Variants in PKNOX2 observed in about 807,000 individuals in gnomAD.
The protein encoded by PKNOX2 is PBX/knotted 1 homeobox 2.
Under a neutral mutation model 53.1 loss-of-function variants are expected in PKNOX2, and 14 were observed. The ratio of observed to expected loss-of-function variants is 0.26; its 90% CI spans 0.17 to 0.41. The LOEUF is 0.41. Ranked by LOEUF, PKNOX2 falls within the 10% of genes least tolerant of loss-of-function variation. PKNOX2 has a pLI of 1.00. For synonymous variants in PKNOX2, 257 were observed against 242.8 expected (o/e 1.06, Z -0.54); for missense variants, 496 against 602.8 (o/e 0.82, Z 1.85).
At chr11:125,279,286 G>C (rs1316303907) in intron 2 of PKNOX2, among the ~76,000 whole-genome samples, 6 of 152,210 alleles carry the variant, frequency 3.9e-5, no homozygotes. Context: ...GGGGGCTTCT[G>C]TCTGACCGAA....
rs1280821861 is a variant in PKNOX2, at chr11:125,430,412, A to G, written c.1192+271A>G. 1.5e-4 allele frequency among the ~76,000 whole-genome samples: 23 copies of G among 152,138 alleles called. 1 individual carries two copies. The highest frequency in any genetic ancestry group is 1.5e-3 in the Admixed American group (23 of 15,276). On this transcript the variant is annotated intron_variant, in intron 12 of 12. Coordinates refer to ENST00000298282, the MANE Select transcript of PKNOX2 (RefSeq NM_001382323.2). Reference sequence around the variant, plus strand: ...AGCAGAGCCCCCCATGTCCGCACCCATCTGAGTTCCTTAGCACCAGTAAGT... The same window carrying G: ...AGCAGAGCCCCCCATGTCCGCACCCGTCTGAGTTCCTTAGCACCAGTAAGT...
At chr11:125,320,678 C>T (rs1269980311) in intron 2 of PKNOX2, among the ~76,000 whole-genome samples, 1 of 152,168 alleles carries the variant, frequency 6.6e-6, no homozygotes, top group African/African-American at 2.4e-5. Flanking sequence ...TAGCTTCGGA[C>T]CAGAGCCCTT....
At chr11:125,359,080 C>CAGGAAGGTGGACACCATCGG (rs1951779387) in intron 4 of PKNOX2, among the ~76,000 whole-genome samples, 1 of 135,798 alleles carries the variant, frequency 7.4e-6, no homozygotes, top group African/African-American at 3.0e-5. Flanking sequence ...GCTGTGGGAG[C>CAGGAAGGTGGACACCATCGG]AAAGGCAGGA....
At chr11:125,250,381 C>G (rs2135670904) in intron 2 of PKNOX2, among the ~76,000 whole-genome samples, 1 of 152,354 alleles carries the variant, frequency 6.6e-6, no homozygotes, top group South Asian at 2.1e-4. Context: ...CATTACCCAG[C>G]TTCAGCAACT....
intron 3 of PKNOX2, among the ~76,000 whole-genome samples, chr11:125,342,189 A>T (rs1166185246): frequency 2.6e-5 from 4 of 151,054 alleles, no homozygotes; most frequent in Non-Finnish European, 5.9e-5. Flanking sequence ...TCCTAAAGGC[A>T]AGTTTTAAAA....
intron 1 of PKNOX2, among the ~76,000 whole-genome samples, chr11:125,177,816 G>C (rs959030758): frequency 5.3e-5 from 8 of 152,168 alleles, no homozygotes; most frequent in African/African-American, 1.7e-4. Context: ...GGCTGGGACA[G>C]CAATGTCAGA....
intron 10 of PKNOX2, among the ~76,000 whole-genome samples, chr11:125,416,078 C>T (rs12363133): frequency 0.078 from 11,794 of 151,618 alleles, 504 homozygotes; most frequent in African/African-American, 0.1. Flanking sequence ...CCGAGGCGGG[C>T]GGATCACGAG....
intron 10 of PKNOX2, among the ~76,000 whole-genome samples, chr11:125,421,233 T>G (rs621173): frequency 0.14 from 21,073 of 152,218 alleles, 1,973 homozygotes; most frequent in Admixed American, 0.32. Context: ...GACACTCGAG[T>G]GGCTCAAGAG....
intron 2 of PKNOX2, among the ~76,000 whole-genome samples, chr11:125,329,265 A>T (rs1355487570): frequency 6.6e-6 from 1 of 152,216 alleles, no homozygotes; most frequent in Admixed American, 6.5e-5. Context: ...TACTGCTTTT[A>T]AAAAAGAAGC....
chr11:125,306,719 G>C (rs1948486097), intron 2 of PKNOX2, among the ~76,000 whole-genome samples: 1 of 152,192 alleles, frequency 6.6e-6, no homozygotes, highest in African/African-American at 2.4e-5. Context: ...TGAACAGCTT[G>C]AAAATGCAGA....
chr11:125,284,338 G>A (rs1017449451), intron 2 of PKNOX2, among the ~76,000 whole-genome samples: 4 of 152,184 alleles, frequency 2.6e-5, no homozygotes, highest in African/African-American at 4.8e-5. Context: ...TCTTATCCTG[G>A]ACCCTTTGCC....
In PKNOX2 at chr11:125,352,198, T is replaced by C. The variant is rs969511972; in HGVS notation, c.87+806T>C. ...CTCCTCTTGTCCACCCTTGGTTCTTTGGAAACTTCGAGTTTTGTGTCTGTG... is the reference window on the plus strand; with the variant it reads ...CTCCTCTTGTCCACCCTTGGTTCTTCGGAAACTTCGAGTTTTGTGTCTGTG... On this transcript the variant is annotated intron_variant, in intron 4 of 12. Transcript: ENST00000298282. This position sits in a 1 kb window ranked among gnomAD's most constrained non-coding sequence, Gnocchi z 4.1. Among the ~76,000 whole-genome samples the C allele has an allele frequency of 3.9e-5, 6 of 152,234 alleles. No individual in the cohort carries two copies. The highest frequency in any genetic ancestry group is 1.4e-4 in the African/African-American group (6 of 41,466).
intron 2 of PKNOX2, among the ~76,000 whole-genome samples, chr11:125,237,667 C>G (rs1565476417): frequency 6.6e-6 from 1 of 152,162 alleles, no homozygotes; most frequent in Non-Finnish European, 1.5e-5. Flanking sequence ...CGAAAGGGCC[C>G]TCGGAGGCCA....
intron 1 of PKNOX2, among the ~76,000 whole-genome samples, chr11:125,233,879 C>T (rs140115602): frequency 9.2e-5 from 14 of 152,352 alleles, no homozygotes; most frequent in African/African-American, 3.4e-4. Context: ...TGTTGAACAT[C>T]CTTCAGTGTC....
At chr11:125,167,477 A>T (rs1954976411) in intron 1 of PKNOX2, among the ~76,000 whole-genome samples, 1 of 152,172 alleles carries the variant, frequency 6.6e-6, no homozygotes, top group African/African-American at 2.4e-5. Context: ...CCGTGACCCC[A>T]CGGAGACTCC....
chr11:125,323,165 G>A (rs957741509), intron 2 of PKNOX2, among the ~76,000 whole-genome samples: 21 of 152,054 alleles, frequency 1.4e-4, no homozygotes, highest in Admixed American at 3.3e-4. Context: ...TCCAGCATCC[G>A]TGAGTTTCTC....
intron 2 of PKNOX2, among the ~76,000 whole-genome samples, chr11:125,310,932 G>A (rs1007381116): frequency 6.6e-6 from 1 of 151,828 alleles, no homozygotes; most frequent in African/African-American, 2.4e-5. Context: ...GTCTGCCCCG[G>A]GATATAGCTG....
chr11:125,291,163 T>C (rs978578781), intron 2 of PKNOX2, among the ~76,000 whole-genome samples: 1 of 152,146 alleles, frequency 6.6e-6, no homozygotes, highest in African/African-American at 2.4e-5. Flanking sequence ...TTCAATCAAT[T>C]GTCATCGCTC....
intron 10 of PKNOX2, among the ~76,000 whole-genome samples, chr11:125,414,600 A>G (rs1267056383): frequency 6.6e-6 from 1 of 152,166 alleles, no homozygotes; most frequent in East Asian, 1.9e-4. Context: ...CACCCTCCCC[A>G]ATCCTCAGCT....
Sources: gnomAD v4.1 joint callset for allele counts (sites outside exome capture counted in the v4.1 genomes callset) on GRCh38, gnomAD v4.1.1 for gene constraint, Gnocchi (gnomAD v3.1) non-coding constraint, MANE v1.5 for transcripts, NCBI Gene and HGNC (gene_info 2026-07-23, HGNC 2026-07-21) for gene names.